TAOK3: variants seen among roughly 807,000 people sequenced by gnomAD.
TAOK3 encodes serine/threonine-protein kinase TAO3.
Under a neutral mutation model 120.4 loss-of-function variants are expected in TAOK3, and 40 were observed. The ratio of observed to expected loss-of-function variants is 0.33; its 90% confidence interval spans 0.26 to 0.43. The LOEUF (loss-of-function observed/expected upper bound fraction) is 0.43, where lower values mean the gene tolerates loss of function less well. TAOK3 is among the 20% of genes least tolerant of loss of function. The pLI is 1.00. For synonymous variants in TAOK3, 355 were observed against 387.5 expected, an observed-to-expected ratio of 0.92 and a Z score of 0.99; for missense variants, 821 against 1,112.1, an observed-to-expected ratio of 0.74 and a Z score of 3.72.
chr12:118,152,545 T>C, intron 19 of TAOK3, 136 bp from the exon 20 acceptor site: 1 of 770,592 alleles, frequency 1.3e-6, no homozygotes, highest in Non-Finnish European at 2.1e-6. Flanking sequence ...ACAGATGCTC[T>C]GGGTACATTC....
At chr12:118,353,835 A>G (rs1383011247) in intron 1 of TAOK3, among the ~76,000 whole-genome samples, 1 of 152,218 alleles carries the variant, frequency 6.6e-6, no homozygotes, top group African/African-American at 2.4e-5. Context: ...GAAATTTTAA[A>G]CACTAAAAGT....
At position 118,172,648 on chromosome 12, in the gene TAOK3, C is replaced by T. The variant is rs1414589832; in HGVS notation, c.1708G>A (p.Asp570Asn). ...TTCTCTTTCTTGGGTGTGCTATGGTCCTCATTCATTTCCTAAAAAGAACAG... is the reference window on the plus strand; with the variant it reads ...TTCTCTTTCTTGGGTGTGCTATGGTTCTCATTCATTTCCTAAAAAGAACAG... ...KEKIKEEMNE[D>N]HSTPKKEKQE... Residue 570 changes from aspartate (D) to asparagine (N), a missense_variant, in exon 17 of 21, where the codon GAC (aspartate) becomes AAC (asparagine). Asp to Asn is a conservative substitution (Grantham distance 23). This residue lies in a region of TAOK3 where 354 missense variants were observed against 572.1 expected (regional missense o/e 0.62). Coordinates refer to ENST00000392533, the MANE Select transcript of TAOK3 (RefSeq NM_016281.4). 1.2e-6 allele frequency: 2 copies of T among 1,614,052 alleles called. No individual in the cohort carries two copies. The highest frequency in any genetic ancestry group is 1.7e-6 in the Non-Finnish European group (2 of 1,179,984).
intron 1 of TAOK3, among the ~76,000 whole-genome samples, chr12:118,308,350 G>C (rs1364818950): frequency 4.0e-5 from 6 of 151,870 alleles, no homozygotes; most frequent in African/African-American, 1.5e-4. Context: ...GGGCTGCTCT[G>C]TCTGTGGAGT....
intron 9 of TAOK3, among the ~76,000 whole-genome samples, chr12:118,229,706 T>A (rs1056058439): frequency 1.3e-5 from 2 of 151,430 alleles, no homozygotes; most frequent in South Asian, 4.2e-4. Flanking sequence ...CTGAGGCGGG[T>A]GGATCACAAG....
chr12:118,247,105 T>G, intron 3 of TAOK3: 1 of 504,962 alleles, frequency 2.0e-6, no homozygotes, highest in Non-Finnish European at 3.4e-6. Flanking sequence ...ACAGTTCTAT[T>G]TCTAGATTGT....
intron 17 of TAOK3, among the ~76,000 whole-genome samples, chr12:118,166,994 C>T (rs1044352880): frequency 2.6e-5 from 4 of 152,080 alleles, no homozygotes; most frequent in African/African-American, 4.8e-5. Flanking sequence ...TTAAAAGCAG[C>T]GGATTTCACT....
At chr12:118,324,623 T>G (rs2043853751) in intron 1 of TAOK3, among the ~76,000 whole-genome samples, 1 of 152,006 alleles carries the variant, frequency 6.6e-6, no homozygotes, top group Non-Finnish European at 1.5e-5. Flanking sequence ...AATTTTTAGT[T>G]CCCACATGAG....
intron 17 of TAOK3, among the ~76,000 whole-genome samples, chr12:118,166,990 G>C (rs1401004561): frequency 6.6e-6 from 1 of 152,074 alleles, no homozygotes; most frequent in Non-Finnish European, 1.5e-5. Context: ...TTCTTTAAAA[G>C]CAGCGGATTT....
rs536432947 is a variant in TAOK3, at chr12:118,344,723, C to T, written c.-194+27925G>A. Among the ~76,000 whole-genome samples the T allele has an allele frequency of 7.2e-5, 11 of 151,996 alleles. 1 individual carries two copies. The South Asian group carries it at 2.3e-3, about 32-fold the overall frequency. On this transcript the variant is annotated intron_variant, in intron 1 of 20. Coordinates refer to ENST00000392533, the MANE Select transcript of TAOK3 (RefSeq NM_016281.4). ...CTCTTAACTGCAAAATAAATCATGA[C>T]CAATTAATAATATCACTGTTAAAAA...
Position 118,341,243 on chromosome 12 carries a change from C to T in TAOK3, c.-194+31405G>A, listed in dbSNP as rs905779276. On this transcript the variant is annotated intron_variant, in intron 1 of 20. Transcript: ENST00000392533. ...TTCAAACATCTGACCTCAAGTGATC[C>T]GCCTGCCTCGGCTTCCCAAAGTGCT... Among the ~76,000 whole-genome samples, 19 of 152,082 alleles carry T rather than the reference C, an allele frequency of 1.2e-4. No homozygotes were observed. The East Asian group carries it at 1.5e-3, about 12-fold the overall frequency.
intron 9 of TAOK3, among the ~76,000 whole-genome samples, chr12:118,218,030 T>C (rs183742825): frequency 6.6e-6 from 1 of 150,652 alleles, no homozygotes; most frequent in Non-Finnish European, 1.5e-5. Flanking sequence ...TCGCTAATTT[T>C]TTTGTATTTT....
intron 1 of TAOK3, among the ~76,000 whole-genome samples, chr12:118,274,611 G>A (rs2041841894): frequency 6.6e-6 from 1 of 151,912 alleles, no homozygotes; most frequent in African/African-American, 2.4e-5. Context: ...GGCCCCATTG[G>A]ATCTCTTAAA....
chr12:118,261,884 T>C (rs2041244997), intron 2 of TAOK3, among the ~76,000 whole-genome samples: 1 of 152,062 alleles, frequency 6.6e-6, no homozygotes, highest in South Asian at 2.1e-4. Context: ...GACACAGTCT[T>C]ACTCTGCCCT....
rs560628748 is a variant in TAOK3, at chr12:118,359,192, G to A, written c.-194+13456C>T. The A allele has an allele frequency of 1.2e-3, 178 of 152,206 alleles. 1 individual carries two copies. The highest frequency in any genetic ancestry group is 4.1e-3 in the African/African-American group (172 of 41,552). 9.4% of individuals were successfully genotyped at this position (152,206 alleles called of 1,614,324 possible). A position where few individuals can be genotyped will look rare whatever the true frequency, so the allele number is the denominator to read the frequency against. ...AGTACTTCCTGGTCAGACAGCTAAC[G>A]TCAACAGCAATTTATACAGCTTTGC... On this transcript the variant is annotated intron_variant, in intron 1 of 20. Transcript: ENST00000392533.
chr12:118,306,979 A>T (rs1481257621), intron 1 of TAOK3, among the ~76,000 whole-genome samples: 1 of 152,228 alleles, frequency 6.6e-6, no homozygotes, highest in Non-Finnish European at 1.5e-5. Context: ...AATTTTAATT[A>T]ATTTTCATTT....
chr12:118,242,450 T>C (rs1015122186), intron 5 of TAOK3, among the ~76,000 whole-genome samples: 7 of 152,218 alleles, frequency 4.6e-5, no homozygotes, highest in Admixed American at 1.3e-4. Context: ...CAATAAATGC[T>C]AGTTAAATTG....
intron 19 of TAOK3, among the ~76,000 whole-genome samples, chr12:118,155,098 C>T (rs1426124529): frequency 6.6e-6 from 1 of 151,896 alleles, no homozygotes. Context: ...CTGGTTGAAG[C>T]GATTCTCCTG....
intron 1 of TAOK3, among the ~76,000 whole-genome samples, chr12:118,268,321 A>G (rs2041547632): frequency 1.3e-5 from 2 of 152,242 alleles, no homozygotes; most frequent in Admixed American, 6.5e-5. Flanking sequence ...GAATATAACA[A>G]TTTAAAACCT....
Position 118,160,205 on chromosome 12 carries a change from G to A in TAOK3, c.2293C>T (p.Leu765Phe). Residue 765 changes from leucine (L) to phenylalanine (F), a missense_variant, in exon 19 of 21, where the codon CTT (leucine) becomes TTT (phenylalanine). Around this residue, in one of 2 missense-constraint regions of TAOK3, gnomAD observed 354 missense variants for 572.1 expected, o/e 0.62. Transcript: ENST00000392533. This position sits in a 1 kb window ranked among gnomAD's most constrained non-coding sequence, Gnocchi z 4.2. ...KTLKDEQTRK[L>F]AILAEQYEQS... ...TCATACTGCTCTGCCAAAATGGCAA[G>A]TTTTCTTGTCTGCTCATCTTTCAGT... 1 of 1,614,224 alleles carries A rather than the reference G, an allele frequency of 6.2e-7. No individual in the cohort carries two copies. Among genetic ancestry groups the A allele is most frequent in the Non-Finnish European group, 8.5e-7 (1 of 1,180,046 alleles).
Sources: allele counts gnomAD v4.1 joint callset (sites outside exome capture counted in the v4.1 genomes callset), GRCh38; gene constraint gnomAD v4.1.1; regional missense constraint gnomAD v4.1.1; non-coding constraint Gnocchi (gnomAD v3.1); transcripts MANE v1.5; gene names NCBI Gene and HGNC (gene_info 2026-07-23, HGNC 2026-07-21).